The following PLOD1 variants were observed in gnomAD, a reference collection of about 807,000 sequenced individuals.
The protein encoded by PLOD1 is lysine hydroxylase.
Under a neutral mutation model 94.7 loss-of-function variants are expected in PLOD1, and 70 were observed. That is an observed-to-expected ratio of 0.74 (90% CI 0.61 to 0.90). The LOEUF is 0.90. Among genes scored for constraint, PLOD1 ranks in the 40% least tolerant of loss-of-function variants. The pLI, the probability that PLOD1 is intolerant of heterozygous loss-of-function variation, is 0.00. For missense variants in PLOD1, 905 were observed against 972.7 expected, an observed-to-expected ratio of 0.93 and a Z score of 0.93; for synonymous variants, 417 against 400.2, an observed-to-expected ratio of 1.04 and a Z score of -0.50.
intron 14 of PLOD1, 44 bp from the exon 15 acceptor site, chr1:11,966,207 T>G: frequency 2.1e-6 from 3 of 1,444,522 alleles, no homozygotes; most frequent in Non-Finnish European, 1.9e-6. Flanking sequence ...CCCTGGCAGT[T>G]GAGCCAATGG....
intron 3 of PLOD1, 63 bp from the exon 4 acceptor site, chr1:11,950,292 CTG>C: frequency 6.7e-7 from 1 of 1,501,806 alleles, no homozygotes; most frequent in Non-Finnish European, 9.3e-7. Flanking sequence ...TCCCTCCTGT[CTG>C]TGCCCTCACT....
chr1:11,961,394 A>G (rs1282612828), intron 10 of PLOD1, among the ~76,000 whole-genome samples: 1 of 152,168 alleles, frequency 6.6e-6, no homozygotes, highest in East Asian at 1.9e-4. Flanking sequence ...ATAAAGCAAA[A>G]CAAAAACAAA....
intron 1 of PLOD1, among the ~76,000 whole-genome samples, chr1:11,943,814 T>C (rs1048846504): frequency 2.0e-5 from 3 of 152,184 alleles, no homozygotes; most frequent in African/African-American, 7.2e-5. Context: ...GAGAGGAGAC[T>C]CTGGGTTCAG....
At chr1:11,954,322 A>AG (rs1426215557) in intron 5 of PLOD1, 2 of 321,736 alleles carry the variant, frequency 6.2e-6, no homozygotes, top group Non-Finnish European at 1.2e-5. Context: ...AAAAAAAAAA[A>AG]AAAAAAAAAA....
chr1:11,948,720 ACT>A (rs1448185169), intron 2 of PLOD1, among the ~76,000 whole-genome samples: 2 of 148,808 alleles, frequency 1.3e-5, no homozygotes, highest in African/African-American at 2.6e-5. Context: ...ATAGAGTGAA[ACT>A]CTGTCTCAAA....
Position 11,957,761 on chromosome 1 carries a change from T to C in PLOD1, c.742-81T>C. 2 of 935,828 alleles carry C rather than the reference T, an allele frequency of 2.1e-6. No homozygotes were observed. Among genetic ancestry groups the C allele is most frequent in the South Asian group, 1.3e-5 (1 of 77,536 alleles). 58.0% of individuals were successfully genotyped at this position (935,828 alleles called of 1,614,324 possible). On this transcript the variant is annotated intron_variant, in intron 7 of 18. Coordinates refer to ENST00000196061, the MANE Select transcript of PLOD1 (RefSeq NM_000302.4). This position sits in a 1 kb window ranked among gnomAD's most constrained non-coding sequence, Gnocchi z 4.1. ...AGGGGGCTGGATGGTGCTGACCCAC[T>C]GGGGGCCCAGGGAGATGTGAGTCAG...
Position 11,948,024 on chromosome 1 carries a change from G to A in PLOD1, c.125G>A (p.Arg42His), listed in dbSNP as rs202116614. The A allele has an allele frequency of 4.3e-6, 7 of 1,613,928 alleles. No homozygotes were observed. The highest frequency in any genetic ancestry group is 5.9e-6 in the Non-Finnish European group (7 of 1,179,814). ...GCCACTAAGGAGACCGAGGGATTCC[G>A]TCGCTTCAAGCGCTCAGCTCAGTTC... ...TVATKETEGF[R>H]RFKRSAQFFN... Residue 42 changes from arginine to histidine, a missense_variant, in exon 2 of 19, where the codon CGT becomes CAT. Coordinates refer to ENST00000196061, the MANE Select transcript of PLOD1 (RefSeq NM_000302.4).
Position 11,963,624 on chromosome 1 carries a change from T to A in PLOD1, c.1190T>A (p.Ile397Asn). ...GAGCCCAACAGCCTGCGGCTGCTGA[T>A]CCAACAGAACAAGTGAGGCTGCTCC... Reference protein sequence around the residue: ...LTEPNSLRLLIQQNKNVIAPL... With the variant: ...LTEPNSLRLLNQQNKNVIAPL... Residue 397 changes from isoleucine (I) to asparagine (N), a missense_variant, in exon 11 of 19, where the codon ATC (isoleucine) becomes AAC (asparagine). Transcript: ENST00000196061. This position sits in a 1 kb window ranked among gnomAD's most constrained non-coding sequence, Gnocchi z 4.3. 6.3e-7 allele frequency: 1 copy of A among 1,594,164 alleles called. No homozygotes were observed. Among genetic ancestry groups the A allele is most frequent in the Non-Finnish European group, 8.5e-7 (1 of 1,170,722 alleles).
chr1:11,948,600 C>T (rs774356011), intron 2 of PLOD1, among the ~76,000 whole-genome samples: 16 of 151,948 alleles, frequency 1.1e-4, no homozygotes, highest in Non-Finnish European at 2.1e-4. Context: ...CATGATGGCA[C>T]GCACCTGTAA....
intron 1 of PLOD1, among the ~76,000 whole-genome samples, chr1:11,945,352 A>G (rs1645643148): frequency 6.6e-6 from 1 of 151,780 alleles, no homozygotes; most frequent in African/African-American, 2.4e-5. Context: ...CAGGAAGTCA[A>G]GGTTGCAGTG....
Position 11,966,333 on chromosome 1 carries a change from CCCT to C in PLOD1, c.1650+19_1650+21del. ...GTGGAGACGGTAAGGGCCATGGACA[CCCT>C]CTTGGACCAGCCTTGCCTGCTGCAG... On this transcript the variant is annotated intron_variant, in intron 15 of 18. Transcript: ENST00000196061. 2 of 1,585,246 alleles carry C rather than the reference CCCT, an allele frequency of 1.3e-6. No individual in the cohort carries two copies. Among genetic ancestry groups the C allele is most frequent in the Non-Finnish European group, 1.7e-6 (2 of 1,160,126 alleles).
intron 2 of PLOD1, among the ~76,000 whole-genome samples, chr1:11,948,332 CTAGTT>C (rs1295132913): frequency 6.6e-6 from 1 of 152,138 alleles, no homozygotes; most frequent in East Asian, 1.9e-4. Context: ...AGCTGAGAGG[CTAGTT>C]TAGAGGACAG....
In PLOD1 at chr1:11,972,638, C is replaced by A; in HGVS notation, c.1903-234C>A. On this transcript the variant is annotated intron_variant, in intron 17 of 18. Transcript: ENST00000196061. The surrounding 1 kb of genome is among the most constrained non-coding windows in gnomAD (Gnocchi z 4.6). ...CCCTCCCTCCCTTCCTTTCTTCCTT[C>A]CCCTCTGTTCTCTTCCTTCCCTCCC... 9.5e-6 allele frequency: 4 copies of A among 422,422 alleles called. No homozygotes were observed. The highest frequency in any genetic ancestry group is 1.3e-5 in the Non-Finnish European group (3 of 225,722). The allele number at this position is 422,422 out of a possible 1,614,324, so 26.2% of individuals were successfully genotyped here. A position where few individuals can be genotyped will look rare whatever the true frequency, so the allele number is the denominator to read the frequency against.
At chr1:11,953,464 G>C (rs1485148994) in intron 5 of PLOD1, among the ~76,000 whole-genome samples, 1 of 151,978 alleles carries the variant, frequency 6.6e-6, no homozygotes, top group Non-Finnish European at 1.5e-5. Context: ...TGTGACATTG[G>C]GCAACTTCTC....
intron 1 of PLOD1, among the ~76,000 whole-genome samples, chr1:11,938,899 C>T (rs1645597570): frequency 6.6e-6 from 1 of 152,072 alleles, no homozygotes; most frequent in Non-Finnish European, 1.5e-5. Context: ...GGGGGGGCTT[C>T]CAGAACAAGA....
In PLOD1 at chr1:11,972,724, C is replaced by A; in HGVS notation, c.1903-148C>A. The A allele has an allele frequency of 1.3e-6, 1 of 777,230 alleles. No individual in the cohort carries two copies. The highest frequency in any genetic ancestry group is 2.3e-6 in the Non-Finnish European group (1 of 442,324). The allele number at this position is 777,230 out of a possible 1,614,324, so 48.1% of individuals were successfully genotyped here. ...CTTTTCTGTGCCAGGTAGTTGCAGG[C>A]ACTCGAGCATAGAGCCCCATGTAGA... On this transcript the variant is annotated intron_variant, in intron 17 of 18. Transcript: ENST00000196061. This position sits in a 1 kb window ranked among gnomAD's most constrained non-coding sequence, Gnocchi z 4.6.
chr1:11,974,693 G>A lies in PLOD1; in HGVS notation c.2069G>A (p.Arg690Gln), dbSNP rs886045208. 9 of 1,613,878 alleles carry A rather than the reference G, an allele frequency of 5.6e-6. No homozygotes were observed. Among genetic ancestry groups the A allele is most frequent in the Non-Finnish European group, 6.8e-6 (8 of 1,179,842 alleles). The change falls in exon 19 of 19, where the codon CGA becomes CAA. Residue 690 changes from arginine to glutamine, a missense_variant. Coordinates refer to ENST00000196061, the MANE Select transcript of PLOD1 (RefSeq NM_000302.4). Reference protein sequence around the residue: ...CRFLRYNCSIRAPRKGWTLMH... With the variant: ...CRFLRYNCSIQAPRKGWTLMH... ...TTCCTGCGCTACAACTGTTCCATCCGAGCCCCAAGGAAGGGCTGGACCCTC... is the reference window on the plus strand; with the variant it reads ...TTCCTGCGCTACAACTGTTCCATCCAAGCCCCAAGGAAGGGCTGGACCCTC...
At chr1:11,952,892 C>T (rs1004411368) in intron 5 of PLOD1, among the ~76,000 whole-genome samples, 157 bp downstream of exon 5, 2 of 152,078 alleles carry the variant, frequency 1.3e-5, no homozygotes, top group African/African-American at 4.8e-5. Flanking sequence ...TCCCAAACAA[C>T]GGATGTGGAT....
chr1:11,970,246 G>A (rs371142332), intron 16 of PLOD1, among the ~76,000 whole-genome samples: 128 of 152,086 alleles, frequency 8.4e-4, no homozygotes, highest in African/African-American at 2.9e-3. Context: ...GTGAGACTCC[G>A]TCACACACAC....
Sources: allele counts gnomAD v4.1 joint callset (sites outside exome capture counted in the v4.1 genomes callset), GRCh38; gene constraint gnomAD v4.1.1; non-coding constraint Gnocchi (gnomAD v3.1); transcripts MANE v1.5; gene names NCBI Gene and HGNC (gene_info 2026-07-23, HGNC 2026-07-21).